The following SORCS1 variants were observed in gnomAD, a reference collection of about 807,000 sequenced individuals.
SORCS1 encodes sortilin related VPS10 domain containing receptor 1, also known as VPS10 domain-containing receptor SorCS1.
SORCS1 carries 60 observed loss-of-function variants against 146.1 expected under a neutral mutation model. The ratio of observed to expected loss-of-function variants is 0.41; its 90% CI spans 0.33 to 0.51. The LOEUF is 0.51. Among genes scored for constraint, SORCS1 ranks in the 20% least tolerant of loss-of-function variants. The probability of loss-of-function intolerance (pLI) is 0.21; values close to 1 mark genes in which losing one functional copy is unlikely to be tolerated. For synonymous variants in SORCS1, 637 were observed against 584.0 expected, an observed-to-expected ratio of 1.09 and a Z score of -1.31; for missense variants, 1,352 against 1,487.6, an observed-to-expected ratio of 0.91 and a Z score of 1.50.
At chr10:106,808,234 T>A (rs546792820) in intron 3 of SORCS1, among the ~76,000 whole-genome samples, 2 of 152,188 alleles carry the variant, frequency 1.3e-5, no homozygotes, top group Admixed American at 6.5e-5. Flanking sequence ...GTCAGGAGGG[T>A]CTTGAACTCC....
At chr10:106,874,789 G>C (rs1255522500) in intron 2 of SORCS1, among the ~76,000 whole-genome samples, 2 of 152,164 alleles carry the variant, frequency 1.3e-5, no homozygotes, top group Non-Finnish European at 1.5e-5. Flanking sequence ...ACTAGAAAGA[G>C]GCAGGCAGTT....
intron 3 of SORCS1, 39 bp downstream of exon 3, chr10:106,829,535 C>T: frequency 1.4e-6 from 2 of 1,467,972 alleles, no homozygotes; most frequent in Non-Finnish European, 1.9e-6. Context: ...ACAGAAGTCA[C>T]ATCATGAATG....
chr10:106,763,989 C>T (rs564093006), intron 4 of SORCS1, among the ~76,000 whole-genome samples: 1 of 152,186 alleles, frequency 6.6e-6, no homozygotes, highest in African/African-American at 2.4e-5. Context: ...TTTTGTACCA[C>T]GTGAATTTCC....
intron 1 of SORCS1, among the ~76,000 whole-genome samples, chr10:107,090,772 T>G: frequency 6.6e-6 from 1 of 152,096 alleles, no homozygotes; most frequent in Non-Finnish European, 1.5e-5. Context: ...GATAAGCAGA[T>G]TTCTGAAAGG....
At chr10:107,095,836 T>C (rs1446080440) in intron 1 of SORCS1, among the ~76,000 whole-genome samples, 3 of 152,032 alleles carry the variant, frequency 2.0e-5, no homozygotes, top group Non-Finnish European at 4.4e-5. Context: ...CGGTAAAAGG[T>C]GATTCAGCTA....
At chr10:106,606,540 C>T (rs546553934) in intron 23 of SORCS1, among the ~76,000 whole-genome samples, 6 of 152,188 alleles carry the variant, frequency 3.9e-5, no homozygotes, top group East Asian at 1.9e-4. Flanking sequence ...CAGCAACTTG[C>T]TTTTTTTTCC....
At chr10:106,867,892 C>T (rs1950278483) in intron 2 of SORCS1, among the ~76,000 whole-genome samples, 1 of 152,158 alleles carries the variant, frequency 6.6e-6, no homozygotes, top group Admixed American at 6.6e-5. Flanking sequence ...CTAAATGCCC[C>T]ACTTTAAAGG....
intron 1 of SORCS1, among the ~76,000 whole-genome samples, chr10:107,104,761 T>C (rs1278395104): frequency 6.6e-6 from 1 of 151,950 alleles, no homozygotes; most frequent in Non-Finnish European, 1.5e-5. Context: ...TGCAGGAAAG[T>C]TATGTCTAGA....
chr10:107,131,790 T>C (rs898706623), intron 1 of SORCS1, among the ~76,000 whole-genome samples: 2 of 152,204 alleles, frequency 1.3e-5, no homozygotes, highest in African/African-American at 2.4e-5. Flanking sequence ...GATGCTATCA[T>C]GAAAATCCTC....
At chr10:107,006,492 G>C (rs1412935760) in intron 1 of SORCS1, among the ~76,000 whole-genome samples, 3 of 152,220 alleles carry the variant, frequency 2.0e-5, no homozygotes, top group Admixed American at 6.5e-5. Flanking sequence ...GAAGGCAAAA[G>C]AAATTGGACT....
intron 1 of SORCS1, among the ~76,000 whole-genome samples, chr10:107,135,388 T>C (rs995020503): frequency 1.3e-5 from 2 of 152,226 alleles, no homozygotes; most frequent in African/African-American, 4.8e-5. Flanking sequence ...CTCTTCTCAT[T>C]AAGCATTAAA....
chr10:106,959,257 C>T (rs1305133476), intron 1 of SORCS1, among the ~76,000 whole-genome samples: 1 of 152,188 alleles, frequency 6.6e-6, no homozygotes, highest in East Asian at 1.9e-4. Context: ...ATCAACACAG[C>T]ACCAGAAGTA....
the SORCS1 span, among the ~76,000 whole-genome samples, chr10:107,176,954 C>T: frequency 6.6e-6 from 1 of 151,972 alleles, no homozygotes; most frequent in East Asian, 1.9e-4. Context: ...AGAGGTGTAT[C>T]AAAATTGTCA....
At chr10:106,962,348 C>T (rs1186923283) in intron 1 of SORCS1, among the ~76,000 whole-genome samples, 2 of 123,072 alleles carry the variant, frequency 1.6e-5, no homozygotes, top group Admixed American at 1.1e-4. Context: ...TGAGCCAAAT[C>T]GCAAAATTGC....
intron 2 of SORCS1, among the ~76,000 whole-genome samples, chr10:106,933,029 C>T (rs1448082930): frequency 6.6e-6 from 1 of 152,166 alleles, no homozygotes; most frequent in African/African-American, 2.4e-5. Flanking sequence ...TTTACCTGGA[C>T]AGCACGATCG....
At chr10:106,613,283 G>A (rs1847129453) in intron 21 of SORCS1, among the ~76,000 whole-genome samples, 2 of 152,158 alleles carry the variant, frequency 1.3e-5, no homozygotes, top group Admixed American at 6.5e-5. Flanking sequence ...AATTCTCTGT[G>A]CGAGAAAGTG....
chr10:107,078,318 A>C (rs1325214195), intron 1 of SORCS1, among the ~76,000 whole-genome samples: 1 of 152,188 alleles, frequency 6.6e-6, no homozygotes, highest in Non-Finnish European at 1.5e-5. Flanking sequence ...ATAAAATAAA[A>C]AAGATTACTC....
intron 1 of SORCS1, among the ~76,000 whole-genome samples, chr10:107,050,046 G>A (rs1270459716): frequency 1.3e-5 from 2 of 152,154 alleles, no homozygotes; most frequent in Non-Finnish European, 2.9e-5. Context: ...AGTGTTTCAA[G>A]GAATCTGGCC....
At chr10:107,049,052 G>T (rs1009405706) in intron 1 of SORCS1, among the ~76,000 whole-genome samples, 3 of 151,606 alleles carry the variant, frequency 2.0e-5, no homozygotes, top group African/African-American at 7.3e-5. Flanking sequence ...TTAAGAAAAT[G>T]TGGCACATAT....
Sources: allele counts gnomAD v4.1 joint callset (sites outside exome capture counted in the v4.1 genomes callset), GRCh38; gene constraint gnomAD v4.1.1; transcripts MANE v1.5; gene names NCBI Gene and HGNC (gene_info 2026-07-23, HGNC 2026-07-21).